GDF5: variants seen among roughly 807,000 people sequenced by gnomAD.
GDF5 encodes the protein growth differentiation factor 5.
Under a neutral mutation model 34.6 loss-of-function variants are expected in GDF5, and 17 were observed. The observed-to-expected ratio is 0.49, with a 90% CI of 0.34 to 0.74. The LOEUF (loss-of-function observed/expected upper bound fraction) is 0.74. GDF5 is among the 30% of genes least tolerant of loss of function. GDF5 has a pLI of 0.01. For synonymous variants in GDF5, 332 were observed against 290.7 expected, an observed-to-expected ratio of 1.14 and a Z score of -1.44; for missense variants, 616 against 661.2, an observed-to-expected ratio of 0.93 and a Z score of 0.75.
Position 35,434,622 on chromosome 20 carries a change from G to A in GDF5, c.793C>T (p.Leu265=). The change falls in exon 2 of 2, where the codon CTG becomes TTG. Residue 265 remains leucine (L), a synonymous_variant. Coordinates refer to ENST00000374369, the MANE Select transcript of GDF5 (RefSeq NM_000557.5). ...PGGGRAAQLK[L]SSCPSGRQPA... ...TGCCGGCCGCTGGGGCAGCTGGACA[G>A]CTTCAGCTGGGCAGCCCGCCCGCCT... 3.1e-6 allele frequency: 5 copies of A among 1,604,630 alleles called. No individual in the cohort carries two copies. Among genetic ancestry groups the A allele is most frequent in the Non-Finnish European group, 4.3e-6 (5 of 1,173,400 alleles).
In GDF5 at chr20:35,434,143, G is replaced by A. The variant is rs778394508; in HGVS notation, c.1272C>T (p.Tyr424=). 37 of 1,614,040 alleles carry A rather than the reference G, an allele frequency of 2.3e-5. No homozygotes were observed. Among genetic ancestry groups the A allele is most frequent in the Admixed American group, 5.0e-5 (3 of 60,004 alleles). The change falls in exon 2 of 2, where the codon TAC becomes TAT. Residue 424 remains tyrosine, a synonymous_variant. Coordinates refer to ENST00000374369, the MANE Select transcript of GDF5 (RefSeq NM_000557.5). ...WDDWIIAPLE[Y]EAFHCEGLCE... ...ACAGCCCCTCGCAGTGGAAAGCCTC[G>A]TACTCAAGGGGTGCGATGATCCAGT... is the stretch of plus-strand genomic sequence containing the variant.
chr20:35,435,968 G>A (rs1221099895), intron 1 of GDF5, among the ~76,000 whole-genome samples: 2 of 152,148 alleles, frequency 1.3e-5, no homozygotes, highest in East Asian at 3.9e-4. Flanking sequence ...CGGCATGTGT[G>A]TACGTGTGTG....
upstream of GDF5, among the ~76,000 whole-genome samples, chr20:35,440,603 C>G (rs1300858561): frequency 6.6e-6 from 1 of 152,172 alleles, no homozygotes; most frequent in Non-Finnish European, 1.5e-5. Context: ...AATGCACACT[C>G]CCCCTGAGCT....
At chr20:35,445,836 G>A (rs571715775) in intron 1 of GDF5, among the ~76,000 whole-genome samples, 36 of 151,364 alleles carry the variant, frequency 2.4e-4, no homozygotes, top group African/African-American at 8.7e-4. Context: ...TGGGTGTGGT[G>A]GTGCATGCCT....
In GDF5 at chr20:35,448,397, C is replaced by CA. The variant is rs143351308; in HGVS notation, c.-398+6242dup. Among the ~76,000 whole-genome samples the CA allele has an allele frequency of 2.4e-3, 268 of 110,508 alleles. 2 individuals are homozygous for CA. Among genetic ancestry groups the CA allele is most frequent in the African/African-American group, 4.7e-3 (128 of 27,350 alleles). The allele number at this position is 110,508 out of a possible 152,430, so 72.5% of individuals were successfully genotyped here. A position where few individuals can be genotyped will look rare whatever the true frequency, so the allele number is the denominator to read the frequency against. ...TGGCTACGGGACTTTTTGTTTTTTT[C>CA]AAAAAAAAAAAAAAAAATATATATA... On this transcript the variant is annotated intron_variant, in intron 1 of 3. Transcript: ENST00000374372.
At chr20:35,441,763 AT>A (rs540451815), upstream of GDF5, among the ~76,000 whole-genome samples, 2 of 151,748 alleles carry the variant, frequency 1.3e-5, no homozygotes, top group Non-Finnish European at 2.9e-5. Flanking sequence ...AATAATAGCT[AT>A]TTTTTTTAAA....
In GDF5 at chr20:35,434,363, C is replaced by T. The variant is rs781264883; in HGVS notation, c.1052G>A (p.Arg351Gln). ...LFLVFGRTKKRDLFFNEIKAR... is the reference protein window; with the variant it reads ...LFLVFGRTKKQDLFFNEIKAR... Reference sequence around the variant, plus strand: ...CTTAATCTCATTAAAGAACAGGTCCCGTTTCTTGGTGCGGCCAAACACCAG... The same window carrying T: ...CTTAATCTCATTAAAGAACAGGTCCTGTTTCTTGGTGCGGCCAAACACCAG... Residue 351 changes from arginine (R) to glutamine (Q), a missense_variant, in exon 2 of 2, where the codon CGG (arginine) becomes CAG (glutamine). Physicochemically the swap from Arg to Gln is conservative, Grantham distance 43. Coordinates refer to ENST00000374369, the MANE Select transcript of GDF5 (RefSeq NM_000557.5). 1.2e-6 allele frequency: 2 copies of T among 1,613,756 alleles called. No homozygotes were observed. Among genetic ancestry groups the T allele is most frequent in the East Asian group, 2.2e-5 (1 of 44,878 alleles).
intron 1 of GDF5, among the ~76,000 whole-genome samples, chr20:35,447,804 G>A (rs758830136): frequency 6.6e-6 from 1 of 151,974 alleles, no homozygotes; most frequent in Non-Finnish European, 1.5e-5. Flanking sequence ...ACACAATATA[G>A]TAACATCAGC....
intron 1 of GDF5, among the ~76,000 whole-genome samples, chr20:35,445,421 T>C (rs1054484367): frequency 6.6e-5 from 10 of 151,966 alleles, no homozygotes; most frequent in African/African-American, 2.4e-4. Context: ...TCCTAGCACT[T>C]TGGGAGGCAG....
chr20:35,450,645 C>A (rs1292799195), intron 1 of GDF5, among the ~76,000 whole-genome samples: 1 of 152,112 alleles, frequency 6.6e-6, no homozygotes, highest in Non-Finnish European at 1.5e-5. Flanking sequence ...TGGCCCCTCT[C>A]CTGCAGTTCC....
intron 1 of GDF5, among the ~76,000 whole-genome samples, chr20:35,444,980 C>T (rs959386255): frequency 1.3e-5 from 2 of 151,436 alleles, no homozygotes; most frequent in African/African-American, 4.9e-5. Flanking sequence ...GTGATCCACC[C>T]GCCTCAGCCT....
intron 1 of GDF5, among the ~76,000 whole-genome samples, chr20:35,448,547 G>T (rs1229407412): frequency 2.1e-5 from 3 of 142,690 alleles, no homozygotes; most frequent in Non-Finnish European, 4.5e-5. Flanking sequence ...AGGTTCAAGC[G>T]ATTCTTGTGC....
Position 35,434,515 on chromosome 20 carries a change from G to A in GDF5, c.900C>T (p.Phe300=). The stretch of plus-strand genomic sequence containing the variant: ...GCTGGGCCGAGTTCTTAAAGTTTCG[G>A]AAGAGCTTCCAGATGTCGAACACCT... ...GWEVFDIWKL[F]RNFKNSAQLC... is the part of the protein sequence containing the mutation. Residue 300 remains phenylalanine, a synonymous_variant, in exon 2 of 2, where the codon TTC becomes TTT. Transcript: ENST00000374369. The A allele has an allele frequency of 6.2e-7, 1 of 1,606,192 alleles. No individual in the cohort carries two copies. The highest frequency in any genetic ancestry group is 8.5e-7 in the Non-Finnish European group (1 of 1,175,560).
chr20:35,450,078 G>A (rs1243620841), intron 1 of GDF5, among the ~76,000 whole-genome samples: 5 of 151,802 alleles, frequency 3.3e-5, no homozygotes, highest in African/African-American at 1.2e-4. Flanking sequence ...CGAGGTGGGC[G>A]GATCACTTGA....
intron 1 of GDF5, among the ~76,000 whole-genome samples, chr20:35,450,209 G>A (rs189357832): frequency 2.3e-4 from 35 of 151,694 alleles, no homozygotes; most frequent in Non-Finnish European, 4.1e-4. Context: ...AGGAGGCTGA[G>A]GCACGAGGAT....
At chr20:35,451,299 G>T (rs889173631) in intron 1 of GDF5, among the ~76,000 whole-genome samples, 44 of 151,732 alleles carry the variant, frequency 2.9e-4, no homozygotes, top group African/African-American at 1.0e-3. Context: ...TCTAGAGATG[G>T]AATTTAGGAT....
In GDF5 at chr20:35,433,377, C is replaced by A; in HGVS notation, c.*532G>T. 3.1e-6 allele frequency: 1 copy of A among 317,756 alleles called. No homozygotes were observed. Among genetic ancestry groups the A allele is most frequent in the Non-Finnish European group, 6.2e-6 (1 of 160,628 alleles). The allele number at this position is 317,756 out of a possible 1,614,324, so 19.7% of individuals were successfully genotyped here. A position where few individuals can be genotyped will look rare whatever the true frequency, so the allele number is the denominator to read the frequency against. ...GGCACAGTTTTGCTTTTTATCTCAT[C>A]AATATACATTTAAATCTAACAGTCT... is the stretch of plus-strand genomic sequence containing the variant. On this transcript the variant is annotated 3_prime_UTR_variant, in exon 2 of 2. Transcript: ENST00000374369.
At chr20:35,443,718 G>C (rs1228678744) in intron 1 of GDF5, among the ~76,000 whole-genome samples, 1 of 151,928 alleles carries the variant, frequency 6.6e-6, no homozygotes. Context: ...CACCATGCTG[G>C]CCAGGCTGGT....
At position 35,434,722 on chromosome 20, in the gene GDF5, C is replaced by A; in HGVS notation, c.693G>T (p.Lys231Asn). ...GCAGCTCGGCCCCCAGCAGCCCATC[C>A]TTCTCCAGGGCACTAATGTCAAACA... is the stretch of plus-strand genomic sequence containing the variant. ...RYVFDISALE[K>N]DGLLGAELRI... The change falls in exon 2 of 2, where the codon AAG becomes AAT. Residue 231 changes from lysine (K) to asparagine (N), a missense_variant. Coordinates refer to ENST00000374369, the MANE Select transcript of GDF5 (RefSeq NM_000557.5). 6.2e-7 allele frequency: 1 copy of A among 1,611,748 alleles called. No homozygotes were observed. The highest frequency in any genetic ancestry group is 8.5e-7 in the Non-Finnish European group (1 of 1,179,858).
Sources: allele counts gnomAD v4.1 joint callset (sites outside exome capture counted in the v4.1 genomes callset), GRCh38; gene constraint gnomAD v4.1.1; transcripts MANE v1.5; gene names NCBI Gene and HGNC (gene_info 2026-07-23, HGNC 2026-07-21).